The following CEP112 variants were observed in gnomAD, a reference collection of about 807,000 sequenced individuals.
CEP112 encodes centrosomal protein of 112 kDa.
CEP112 carries 127 observed loss-of-function variants against 153.0 expected under a neutral mutation model. That is an observed-to-expected ratio of 0.83 (90% CI 0.72 to 0.96). The LOEUF (loss-of-function observed/expected upper bound fraction) is 0.96, where lower values mean the gene tolerates loss of function less well. Among genes scored for constraint, CEP112 ranks in the 40% least tolerant of loss-of-function variants. The pLI is 0.00. For missense variants in CEP112, 1,089 were observed against 1,101.2 expected, an observed-to-expected ratio of 0.99 and a Z score of 0.16; for synonymous variants, 358 against 374.4, an observed-to-expected ratio of 0.96 and a Z score of 0.51.
intron 19 of CEP112, among the ~76,000 whole-genome samples, chr17:65,921,290 G>T (rs1295305997): frequency 1.3e-5 from 2 of 152,042 alleles, no homozygotes; most frequent in East Asian, 3.9e-4. Flanking sequence ...AGTTTAATCG[G>T]CTTCATTCTT....
chr17:65,855,101 C>A (rs2058082585), intron 20 of CEP112, among the ~76,000 whole-genome samples: 1 of 152,062 alleles, frequency 6.6e-6, no homozygotes, highest in African/African-American at 2.4e-5. Flanking sequence ...ATAACAAAAG[C>A]AAATTTTGAG....
chr17:66,092,356 AACACAC>A (rs3056819), intron 8 of CEP112, among the ~76,000 whole-genome samples: 4 of 135,062 alleles, frequency 3.0e-5, no homozygotes, highest in Non-Finnish European at 4.7e-5. Flanking sequence ...CATTAATTTA[AACACAC>A]ACACACACAC....
chr17:65,984,882 A>C (rs2063346605), intron 17 of CEP112, among the ~76,000 whole-genome samples: 1 of 152,170 alleles, frequency 6.6e-6, no homozygotes, highest in South Asian at 2.1e-4. Flanking sequence ...TGCAAAAAAG[A>C]CCAAGAGGGA....
intron 24 of CEP112, among the ~76,000 whole-genome samples, chr17:65,649,073 A>AACAAACACACACAC (rs1378813988): frequency 7.1e-6 from 1 of 139,866 alleles, no homozygotes; most frequent in Non-Finnish European, 1.6e-5. Context: ...CAAACAAACA[A>AACAAACACACACAC]ACACACACAC....
chr17:66,090,498 T>C (rs1265536233), intron 8 of CEP112, among the ~76,000 whole-genome samples: 1 of 152,078 alleles, frequency 6.6e-6, no homozygotes, highest in Admixed American at 6.5e-5. Context: ...GAAAATAAGA[T>C]GTTTTATGTA....
In CEP112 at chr17:66,096,525, G is replaced by C; in HGVS notation, c.690+60C>G. On this transcript the variant is annotated intron_variant, in intron 7 of 26. Coordinates refer to ENST00000535342, the MANE Select transcript of CEP112 (RefSeq NM_001199165.4). ...CGCATTATTTTCTATAAATAACTTA[G>C]TGATTATTTTATTTTAAAATACCTG... is the stretch of plus-strand genomic sequence containing the variant. The C allele has an allele frequency of 8.2e-7, 1 of 1,221,572 alleles. No individual in the cohort carries two copies. The highest frequency in any genetic ancestry group is 1.5e-5 in the African/African-American group (1 of 65,562). 75.7% of individuals were successfully genotyped at this position (1,221,572 alleles called of 1,614,324 possible).
At chr17:66,175,253 A>C (rs1342179265) in intron 3 of CEP112, 37 bp from the exon 4 acceptor site, 1 of 1,438,900 alleles carries the variant, frequency 6.9e-7, no homozygotes, top group East Asian at 2.6e-5. Flanking sequence ...TTCTTTCAAA[A>C]TGTACTATAA....
At chr17:65,802,657 C>T (rs148867568) in intron 21 of CEP112, among the ~76,000 whole-genome samples, 1 of 152,140 alleles carries the variant, frequency 6.6e-6, no homozygotes, top group Non-Finnish European at 1.5e-5. Context: ...ATTATACATA[C>T]CCCATGGAAA....
chr17:65,638,412 A>G (rs930711629), intron 25 of CEP112, among the ~76,000 whole-genome samples: 13 of 152,342 alleles, frequency 8.5e-5, no homozygotes, highest in Admixed American at 8.5e-4. Flanking sequence ...AACTGAAACC[A>G]TGGCAACGGT....
Position 65,888,218 on chromosome 17 carries a change from C to T in CEP112, c.2163+13934G>A, listed in dbSNP as rs142991991. Reference sequence around the variant, plus strand: ...GGTACGTACAATAGCTATTTTCCTGCCCAATTCAATGTTGTTCAGATCTTC... The same window carrying T: ...GGTACGTACAATAGCTATTTTCCTGTCCAATTCAATGTTGTTCAGATCTTC... On this transcript the variant is annotated intron_variant, in intron 20 of 26. Transcript: ENST00000535342. 9.2e-4 allele frequency among the ~76,000 whole-genome samples: 140 copies of T among 152,254 alleles called. 1 individual carries two copies. Among genetic ancestry groups the T allele is most frequent in the African/African-American group, 3.2e-3 (133 of 41,530 alleles).
intron 18 of CEP112, among the ~76,000 whole-genome samples, chr17:65,934,380 G>C (rs2061234788): frequency 6.6e-6 from 1 of 152,042 alleles, no homozygotes; most frequent in Non-Finnish European, 1.5e-5. Flanking sequence ...AAAACCTATA[G>C]TAGTTGCACA....
chr17:66,028,462 ACTTT>A (rs1280494586), intron 14 of CEP112, 57 bp from the exon 15 acceptor site: 7 of 978,014 alleles, frequency 7.2e-6, no homozygotes, highest in South Asian at 2.2e-5. Context: ...ACCATATTAT[ACTTT>A]CTGATTGAAA....
At chr17:65,660,409 C>T (rs2046313745) in intron 24 of CEP112, among the ~76,000 whole-genome samples, 1 of 97,394 alleles carries the variant, frequency 1.0e-5, no homozygotes, top group African/African-American at 4.0e-5. Context: ...CTTCCTTTCT[C>T]CCTCCCACCC....
At chr17:66,108,756 C>T (rs1374914397) in intron 6 of CEP112, among the ~76,000 whole-genome samples, 2 of 152,146 alleles carry the variant, frequency 1.3e-5, no homozygotes, top group Non-Finnish European at 2.9e-5. Context: ...AGCAATCCCA[C>T]TGCTAGGTAT....
At chr17:65,731,856 T>C (rs2145008924) in intron 23 of CEP112, among the ~76,000 whole-genome samples, 1 of 152,334 alleles carries the variant, frequency 6.6e-6, no homozygotes, top group Middle Eastern at 3.4e-3. Flanking sequence ...AGCAATTCGG[T>C]CGCATCTTTA....
chr17:66,096,500 C>A, intron 7 of CEP112, 85 bp downstream of exon 7: 1 of 1,139,784 alleles, frequency 8.8e-7, no homozygotes, highest in South Asian at 1.4e-5. Context: ...AATGTAGATC[C>A]GCATTATTTT....
intron 23 of CEP112, among the ~76,000 whole-genome samples, chr17:65,719,097 C>T (rs232097): frequency 0.48 from 73,529 of 152,138 alleles, 19,017 homozygotes; most frequent in African/African-American, 0.67. Flanking sequence ...GGAACTCTTT[C>T]TTGTTGCATG....
At chr17:66,174,432 G>C (rs564256360) in intron 4 of CEP112, among the ~76,000 whole-genome samples, 1 of 152,066 alleles carries the variant, frequency 6.6e-6, no homozygotes, top group Non-Finnish European at 1.5e-5. Flanking sequence ...GGTGAGGAAG[G>C]AATTATAAAG....
chr17:66,154,435 A>T (rs2071348932), intron 4 of CEP112, among the ~76,000 whole-genome samples: 1 of 152,030 alleles, frequency 6.6e-6, no homozygotes, highest in African/African-American at 2.4e-5. Flanking sequence ...GAATCACTTA[A>T]GCCCGGGAGG....
Sources: gnomAD v4.1 joint callset for allele counts (sites outside exome capture counted in the v4.1 genomes callset) on GRCh38, gnomAD v4.1.1 for gene constraint, MANE v1.5 for transcripts, NCBI Gene and HGNC (gene_info 2026-07-23, HGNC 2026-07-21) for gene names.